Variants in SLC1A4 observed in about 807,000 individuals in gnomAD.
SLC1A4 encodes the protein neutral amino acid transporter A.
In SLC1A4, 19 loss-of-function variants were observed where a neutral mutation model predicts 37.7. That is an observed-to-expected ratio of 0.50 (90% CI 0.35 to 0.74). The LOEUF (loss-of-function observed/expected upper bound fraction) is 0.74. SLC1A4 is among the 30% of genes least tolerant of loss of function. The pLI is 0.01. For missense variants in SLC1A4, 570 were observed against 712.9 expected (o/e 0.80, Z 2.28); for synonymous variants, 299 against 309.8 (o/e 0.97, Z 0.37).
Position 65,018,685 on chromosome 2 carries a change from T to C in SLC1A4, c.1364+6T>C. On this transcript the variant is annotated splice_donor_region_variant and intron_variant, in intron 7 of 7. Transcript: ENST00000234256. This position sits in a 1 kb window ranked among gnomAD's most constrained non-coding sequence, Gnocchi z 4.3. The stretch of plus-strand genomic sequence containing the variant: ...CTGGCTGTGGACTGGATTGTGTAAG[T>C]AACAAGTCCTGAGAACACCAAAAAG... 6.2e-7 allele frequency: 1 copy of C among 1,614,092 alleles called. No individual in the cohort carries two copies. Among genetic ancestry groups the C allele is most frequent in the Non-Finnish European group, 8.5e-7 (1 of 1,180,002 alleles).
At chr2:65,014,672 C>T (rs1316782359) in intron 4 of SLC1A4, among the ~76,000 whole-genome samples, 1 of 152,218 alleles carries the variant, frequency 6.6e-6, no homozygotes, top group Non-Finnish European at 1.5e-5. Flanking sequence ...ATGGAATAAC[C>T]ACTTTGGAGA....
chr2:65,011,447 T>C (rs1231449046), intron 4 of SLC1A4: 2 of 151,156 alleles, frequency 1.3e-5, no homozygotes, highest in South Asian at 2.1e-4. Context: ...TTTTTTTTTT[T>C]AGTAGAGACG....
intron 2 of SLC1A4, among the ~76,000 whole-genome samples, chr2:65,003,167 A>G (rs891087566): frequency 2.0e-5 from 3 of 152,232 alleles, no homozygotes; most frequent in Non-Finnish European, 4.4e-5. Flanking sequence ...GAGAGAAACC[A>G]GAGCCCAGCA....
At chr2:65,019,110 T>C (rs1408733402) in intron 7 of SLC1A4, among the ~76,000 whole-genome samples, 2 of 152,248 alleles carry the variant, frequency 1.3e-5, no homozygotes, top group East Asian at 3.9e-4. Flanking sequence ...ACCATGCTGA[T>C]GTGAGTGACT....
Position 64,989,938 on chromosome 2 carries a change from G to T in SLC1A4, c.295G>T (p.Val99Leu). The change falls in exon 1 of 8, where the codon GTG becomes TTG. Residue 99 changes from valine to leucine, a missense_variant. Val to Leu is a conservative substitution (Grantham distance 32). Coordinates refer to ENST00000234256, the MANE Select transcript of SLC1A4 (RefSeq NM_003038.5). ...IILPLVVCSL[V>L]SGAASLDASC... ...CCTGCCGCTGGTGGTCTGCAGCCTG[G>T]TGTCGGGCGCCGCCTCGCTCGATGC... is the stretch of plus-strand genomic sequence containing the variant. 6.4e-7 allele frequency: 1 copy of T among 1,567,762 alleles called. No individual in the cohort carries two copies. The highest frequency in any genetic ancestry group is 2.4e-5 in the East Asian group (1 of 42,482).
intron 4 of SLC1A4, among the ~76,000 whole-genome samples, chr2:65,012,940 C>A (rs999306052): frequency 6.6e-6 from 1 of 152,180 alleles, no homozygotes; most frequent in Admixed American, 6.5e-5. Context: ...CGTTCTCACA[C>A]TGCTATGAAG....
chr2:64,998,540 C>T (rs1558515801), intron 1 of SLC1A4, among the ~76,000 whole-genome samples: 1 of 151,914 alleles, frequency 6.6e-6, no homozygotes, highest in Non-Finnish European at 1.5e-5. Context: ...TTTTGGGGGG[C>T]AGAAGTTGCT....
In SLC1A4 at chr2:65,018,381, T is replaced by C; in HGVS notation, c.1229+116T>C. The C allele has an allele frequency of 7.3e-7, 1 of 1,374,850 alleles. No homozygotes were observed. Among genetic ancestry groups the C allele is most frequent in the Admixed American group, 2.1e-5 (1 of 47,244 alleles). 85.2% of individuals were successfully genotyped at this position (1,374,850 alleles called of 1,614,324 possible). Reference sequence around the variant, plus strand: ...GCTCATAAAATGAGGACAGTGGGGATTCATTACTTGAAGAGCGTGTGTTGA... The same window carrying C: ...GCTCATAAAATGAGGACAGTGGGGACTCATTACTTGAAGAGCGTGTGTTGA... On this transcript the variant is annotated intron_variant, in intron 6 of 7. Coordinates refer to ENST00000234256, the MANE Select transcript of SLC1A4 (RefSeq NM_003038.5). This position sits in a 1 kb window ranked among gnomAD's most constrained non-coding sequence, Gnocchi z 4.3.
At position 65,020,869 on chromosome 2, in the gene SLC1A4, G is replaced by A. The variant is rs148368783; in HGVS notation, c.1365-43G>A. ...AGGCTGCCTGTGACAGGACCCGATC[G>A]CCCAGCAGTAGATATAATAGCTGCC... On this transcript the variant is annotated intron_variant, in intron 7 of 7. Coordinates refer to ENST00000234256, the MANE Select transcript of SLC1A4 (RefSeq NM_003038.5). 7.7e-4 allele frequency: 1,177 copies of A among 1,537,566 alleles called. 8 individuals are homozygous for A. The Middle Eastern group carries it at 0.015, about 20-fold the overall frequency.
At chr2:65,012,958 T>C (rs1031847954) in intron 4 of SLC1A4, among the ~76,000 whole-genome samples, 3 of 152,218 alleles carry the variant, frequency 2.0e-5, no homozygotes, top group African/African-American at 4.8e-5. Context: ...AAGAAATACC[T>C]GAAACTGGGT....
intron 5 of SLC1A4, among the ~76,000 whole-genome samples, chr2:65,017,711 T>C (rs1674210648): frequency 6.6e-6 from 1 of 151,750 alleles, no homozygotes; most frequent in South Asian, 2.1e-4. Flanking sequence ...CCATTTACTT[T>C]TGGGAGGGGA....
chr2:65,022,386 T>C lies in SLC1A4; in HGVS notation c.*1240T>C, dbSNP rs1674462013. The C allele has an allele frequency of 1.3e-5, 2 of 152,272 alleles. No homozygotes were observed. The highest frequency in any genetic ancestry group is 1.9e-4 in the East Asian group (1 of 5,200). 9.4% of individuals were successfully genotyped at this position (152,272 alleles called of 1,614,324 possible). A position where few individuals can be genotyped will look rare whatever the true frequency, so the allele number is the denominator to read the frequency against. ...TGTGGCTGTTGATGCATATTCGTGA[T>C]GTAACAGGTCCTGGGGCCTCACTTT... is the stretch of plus-strand genomic sequence containing the variant. On this transcript the variant is annotated 3_prime_UTR_variant, in exon 8 of 8. Transcript: ENST00000234256.
rs142065829 is a variant in SLC1A4, at chr2:64,998,758, T to G, written c.528-2690T>G. Reference sequence around the variant, plus strand: ...AGACAGAATTAAACAAATAGTGTTGTGCTCTTTAGAAGAGAATGCATTCAA... The same window carrying G: ...AGACAGAATTAAACAAATAGTGTTGGGCTCTTTAGAAGAGAATGCATTCAA... On this transcript the variant is annotated intron_variant, in intron 1 of 7. Transcript: ENST00000234256. Among the ~76,000 whole-genome samples, 3 of 152,332 alleles carry G rather than the reference T, an allele frequency of 2.0e-5. No individual in the cohort carries two copies. In the East Asian group the frequency reaches 5.8e-4, roughly 29 times the overall value.
intron 1 of SLC1A4, among the ~76,000 whole-genome samples, chr2:64,992,839 C>T (rs1057057509): frequency 2.0e-5 from 3 of 152,158 alleles, no homozygotes; most frequent in Non-Finnish European, 2.9e-5. Context: ...CTCCAGCCAG[C>T]GTGGAGGCTG....
intron 1 of SLC1A4, among the ~76,000 whole-genome samples, chr2:64,998,670 G>C (rs1454150491): frequency 6.6e-6 from 1 of 152,102 alleles, no homozygotes; most frequent in South Asian, 2.1e-4. Flanking sequence ...TTAAGGACAG[G>C]GCCTGTTCTG....
At position 65,008,005 on chromosome 2, in the gene SLC1A4, G is replaced by A. The variant is rs754122037; in HGVS notation, c.634-2592G>A. ...TCCCCCCTACACCTCCTGGCCTCTC[G>A]TAACCACCAATCTACTCTTTGTCTT... On this transcript the variant is annotated intron_variant, in intron 3 of 7. Transcript: ENST00000234256. Among the ~76,000 whole-genome samples, 43 of 151,946 alleles carry A rather than the reference G, an allele frequency of 2.8e-4. No individual in the cohort carries two copies. In the Middle Eastern group the frequency reaches 0.027, roughly 96 times the overall value.
At chr2:64,998,524 C>T (rs1673351766) in intron 1 of SLC1A4, among the ~76,000 whole-genome samples, 1 of 151,758 alleles carries the variant, frequency 6.6e-6, no homozygotes, top group Non-Finnish European at 1.5e-5. Flanking sequence ...TTCTTAGGAA[C>T]TTGATTTTTG....
At chr2:65,020,882 T>G in intron 7 of SLC1A4, 30 bp from the exon 8 acceptor site, 1 of 1,584,280 alleles carries the variant, frequency 6.3e-7, no homozygotes, top group Non-Finnish European at 8.7e-7. Context: ...CAGCAGTAGA[T>G]ATAATAGCTG....
At chr2:64,995,484 A>G (rs1000861548) in intron 1 of SLC1A4, among the ~76,000 whole-genome samples, 1 of 152,208 alleles carries the variant, frequency 6.6e-6, no homozygotes, top group African/African-American at 2.4e-5. Context: ...CCAGGGGTTC[A>G]GCCTTACCCT....
Sources: allele counts gnomAD v4.1 joint callset (sites outside exome capture counted in the v4.1 genomes callset), GRCh38; gene constraint gnomAD v4.1.1; non-coding constraint Gnocchi (gnomAD v3.1); transcripts MANE v1.5; gene names NCBI Gene and HGNC (gene_info 2026-07-23, HGNC 2026-07-21).